Variants in SMAD1 observed in about 807,000 individuals in gnomAD.
SMAD1 encodes MAD, mothers against decapentaplegic homolog 1.
Under a neutral mutation model 41.6 loss-of-function variants are expected in SMAD1, and 6 were observed. That is an observed-to-expected ratio of 0.14 (90% CI 0.08 to 0.28). SMAD1 has a LOEUF of 0.28. Ranked by LOEUF, SMAD1 falls within the 10% of genes least tolerant of loss-of-function variation. The probability of loss-of-function intolerance (pLI) is 1.00; values close to 1 mark genes in which losing one functional copy is unlikely to be tolerated. For missense variants in SMAD1, 379 were observed against 582.6 expected (o/e 0.65, Z 3.60); for synonymous variants, 206 against 203.2 (o/e 1.01, Z -0.12).
intron 1 of SMAD1, among the ~76,000 whole-genome samples, chr4:145,484,017 AGTT>A (rs77186590): frequency 0.011 from 1,636 of 152,318 alleles, 16 homozygotes; most frequent in Middle Eastern, 0.041. Context: ...ATTAAGAGGA[AGTT>A]GTCACATTTT....
chr4:145,481,806 G>A (rs1728187991), upstream of SMAD1: 1 of 180,592 alleles, frequency 5.5e-6, no homozygotes, highest in African/African-American at 2.4e-5. Flanking sequence ...ATTGGCAGCT[G>A]AGGAGTGGAG....
intron 1 of SMAD1, among the ~76,000 whole-genome samples, chr4:145,493,217 G>A (rs1423096430): frequency 6.6e-6 from 1 of 152,178 alleles, no homozygotes; most frequent in Non-Finnish European, 1.5e-5. Context: ...GAGCTAAGTG[G>A]TAGAGGGAAG....
intron 2 of SMAD1, among the ~76,000 whole-genome samples, chr4:145,536,177 T>A (rs1296239492): frequency 6.6e-6 from 1 of 152,118 alleles, no homozygotes; most frequent in African/African-American, 2.4e-5. Flanking sequence ...ATGAAAACCC[T>A]GTGGAGTTGG....
intron 4 of SMAD1, chr4:145,545,097 G>C (rs1315499499): frequency 1.3e-5 from 2 of 151,642 alleles, no homozygotes; most frequent in Non-Finnish European, 2.9e-5. Context: ...TTTTCCTAGA[G>C]CAGGGGTGAA....
chr4:145,502,187 G>A (rs1238083653), intron 1 of SMAD1, among the ~76,000 whole-genome samples: 2 of 152,172 alleles, frequency 1.3e-5, no homozygotes, highest in Admixed American at 6.5e-5. Flanking sequence ...GTGAGCATTT[G>A]TAGGCCAGGA....
intron 1 of SMAD1, among the ~76,000 whole-genome samples, chr4:145,486,860 C>A (rs1728502344): frequency 6.6e-6 from 1 of 152,158 alleles, no homozygotes; most frequent in African/African-American, 2.4e-5. Context: ...GATCTGGACT[C>A]CTCTTGGCAT....
At chr4:145,495,196 C>A (rs189596310) in intron 1 of SMAD1, among the ~76,000 whole-genome samples, 78 of 152,210 alleles carry the variant, frequency 5.1e-4, no homozygotes, top group Middle Eastern at 3.4e-3. Context: ...TCCTGTAATG[C>A]TAAAGTTGAG....
At chr4:145,536,678 T>C (rs776531117) in intron 2 of SMAD1, among the ~76,000 whole-genome samples, 2 of 152,194 alleles carry the variant, frequency 1.3e-5, no homozygotes, top group Non-Finnish European at 2.9e-5. Context: ...ACAACCATTA[T>C]AGCAAAAATT....
At chr4:145,519,839 T>G (rs1730643321) in intron 2 of SMAD1, among the ~76,000 whole-genome samples, 1 of 152,144 alleles carries the variant, frequency 6.6e-6, no homozygotes, top group African/African-American at 2.4e-5. Flanking sequence ...ACCATTCTAA[T>G]TCTACACTCT....
chr4:145,555,087 T>G (rs1732766227), intron 6 of SMAD1, among the ~76,000 whole-genome samples: 1 of 152,278 alleles, frequency 6.6e-6, no homozygotes, highest in Admixed American at 6.5e-5. Context: ...GTGTGTTTGT[T>G]TGTTTGTTTG....
chr4:145,528,909 C>G (rs994043394), intron 2 of SMAD1, among the ~76,000 whole-genome samples: 2 of 152,166 alleles, frequency 1.3e-5, no homozygotes, highest in African/African-American at 4.8e-5. Flanking sequence ...CTATCTCATT[C>G]TCTATATCTC....
chr4:145,527,444 C>T (rs1434583123), intron 2 of SMAD1, among the ~76,000 whole-genome samples: 2 of 152,020 alleles, frequency 1.3e-5, no homozygotes, highest in Non-Finnish European at 2.9e-5. Flanking sequence ...GGGATGGTCT[C>T]GATCTCCTGA....
intron 5 of SMAD1, among the ~76,000 whole-genome samples, chr4:145,550,160 T>C (rs1732477430): frequency 6.6e-6 from 1 of 151,954 alleles, no homozygotes; most frequent in Non-Finnish European, 1.5e-5. Context: ...GTGTAGATGA[T>C]ATGTTTGATT....
chr4:145,487,616 C>T (rs993702392), intron 1 of SMAD1, among the ~76,000 whole-genome samples: 1 of 152,130 alleles, frequency 6.6e-6, no homozygotes, highest in Admixed American at 6.5e-5. Flanking sequence ...GAAGTATTTT[C>T]ATCACTCTGC....
At chr4:145,511,559 A>T (rs985233308) in intron 1 of SMAD1, among the ~76,000 whole-genome samples, 7 of 152,064 alleles carry the variant, frequency 4.6e-5, no homozygotes, top group African/African-American at 1.2e-4. Context: ...AATCATATAT[A>T]TTTTTTTAAT....
At chr4:145,525,119 C>T (rs901761232) in intron 2 of SMAD1, among the ~76,000 whole-genome samples, 10 of 152,114 alleles carry the variant, frequency 6.6e-5, no homozygotes, top group Non-Finnish European at 7.3e-5. Flanking sequence ...AGAGGATGGT[C>T]GGCTTATGTA....
intron 1 of SMAD1, among the ~76,000 whole-genome samples, chr4:145,501,721 C>T: frequency 6.9e-6 from 1 of 145,376 alleles, no homozygotes. Flanking sequence ...TTTGGATTAC[C>T]TTTTTTTTTT....
intron 5 of SMAD1, among the ~76,000 whole-genome samples, chr4:145,552,671 A>G (rs1732615512): frequency 6.6e-6 from 1 of 152,086 alleles, no homozygotes; most frequent in Admixed American, 6.6e-5. Flanking sequence ...AGCTTTCGGC[A>G]ATACTTCTTC....
chr4:145,502,747 A>C (rs867673477), intron 1 of SMAD1: 1 of 152,226 alleles, frequency 6.6e-6, no homozygotes, highest in Admixed American at 6.5e-5. Flanking sequence ...TTCATCAAGG[A>C]GATGCTACTT....
Sources: gnomAD v4.1 joint callset for allele counts (sites outside exome capture counted in the v4.1 genomes callset) on GRCh38, gnomAD v4.1.1 for gene constraint, MANE v1.5 for transcripts, NCBI Gene and HGNC (gene_info 2026-07-23, HGNC 2026-07-21) for gene names.